The following CTNNA3 variants were observed in gnomAD, a reference collection of about 807,000 sequenced individuals.
The protein encoded by CTNNA3 is catenin alpha-3.
CTNNA3 carries 76 observed loss-of-function variants against 95.7 expected under a neutral mutation model. The observed-to-expected ratio is 0.79, with a 90% CI of 0.66 to 0.96. The LOEUF is 0.96. Among genes scored for constraint, CTNNA3 ranks in the 40% least tolerant of loss-of-function variants. The pLI is 0.00. For synonymous variants in CTNNA3, 431 were observed against 374.4 expected, an observed-to-expected ratio of 1.15 and a Z score of -1.74; for missense variants, 1,191 against 1,089.8, an observed-to-expected ratio of 1.09 and a Z score of -1.31.
At chr10:66,510,780 G>T (rs1164987114) in intron 11 of CTNNA3, among the ~76,000 whole-genome samples, 1 of 151,624 alleles carries the variant, frequency 6.6e-6, no homozygotes, top group Admixed American at 6.6e-5. Flanking sequence ...CGTGCTGTTG[G>T]GTTCTATTTT....
At chr10:67,289,280 A>G (rs1158785340) in intron 5 of CTNNA3, among the ~76,000 whole-genome samples, 1 of 152,164 alleles carries the variant, frequency 6.6e-6, no homozygotes, top group African/African-American at 2.4e-5. Context: ...GTAAAAAGAG[A>G]AGAGAGAGGA....
chr10:67,391,176 C>A (rs997610452), intron 5 of CTNNA3, among the ~76,000 whole-genome samples: 12 of 152,172 alleles, frequency 7.9e-5, no homozygotes, highest in African/African-American at 2.6e-4. Flanking sequence ...AGCCCAAAAT[C>A]TCCTTAAGCT....
intron 2 of CTNNA3, among the ~76,000 whole-genome samples, chr10:67,630,016 C>A (rs531747649): frequency 6.6e-5 from 10 of 152,114 alleles, no homozygotes; most frequent in Non-Finnish European, 1.0e-4. Flanking sequence ...ATAATCATCC[C>A]CCAGAGGCAG....
intron 5 of CTNNA3, among the ~76,000 whole-genome samples, chr10:67,399,484 G>T (rs1306544846): frequency 1.3e-5 from 2 of 152,064 alleles, no homozygotes; most frequent in African/African-American, 4.8e-5. Context: ...AACACTCCAT[G>T]CTCTGTCCCA....
chr10:66,488,908 C>CT (rs145838997), intron 11 of CTNNA3, among the ~76,000 whole-genome samples: 12,505 of 147,124 alleles, frequency 0.085, 1,213 homozygotes, highest in East Asian at 0.34. Context: ...TAAAAGTAGA[C>CT]TTTTTTTTTT....
intron 11 of CTNNA3, among the ~76,000 whole-genome samples, chr10:66,419,334 T>C (rs2093172478): frequency 6.6e-6 from 1 of 151,794 alleles, no homozygotes. Context: ...AATAAACCAA[T>C]GAGGTGAAAT....
At chr10:66,569,162 C>T (rs531450109) in intron 10 of CTNNA3, among the ~76,000 whole-genome samples, 1 of 152,168 alleles carries the variant, frequency 6.6e-6, no homozygotes, top group Non-Finnish European at 1.5e-5. Flanking sequence ...ACAAAGGAGG[C>T]TGCCCCATCG....
intron 5 of CTNNA3, among the ~76,000 whole-genome samples, chr10:67,286,313 T>C (rs1239829059): frequency 6.6e-6 from 1 of 152,190 alleles, no homozygotes; most frequent in Non-Finnish European, 1.5e-5. Context: ...TGACCATGTG[T>C]GGGAAGTAAA....
intron 11 of CTNNA3, among the ~76,000 whole-genome samples, chr10:66,400,044 C>A (rs1238024225): frequency 1.3e-5 from 2 of 151,956 alleles, no homozygotes; most frequent in Non-Finnish European, 2.9e-5. Context: ...CATATTCACA[C>A]AGACATATAT....
intron 13 of CTNNA3, among the ~76,000 whole-genome samples, chr10:66,165,121 T>C (rs1342412812): frequency 6.6e-6 from 1 of 152,132 alleles, no homozygotes; most frequent in East Asian, 1.9e-4. Flanking sequence ...TGCAGCAACA[T>C]GGATGCAACT....
In CTNNA3 at chr10:66,432,296, C is replaced by G. The variant is rs150786853; in HGVS notation, c.1532-52944G>C. Among the ~76,000 whole-genome samples the G allele has an allele frequency of 5.4e-3, 829 of 152,242 alleles. 9 individuals carry two copies. Among genetic ancestry groups the G allele is most frequent in the Non-Finnish European group, 8.7e-3 (593 of 68,016 alleles). On this transcript the variant is annotated intron_variant, in intron 11 of 17. Coordinates refer to ENST00000433211, the MANE Select transcript of CTNNA3 (RefSeq NM_013266.4). ...AATTAAATTGCAACATGAAACAATA[C>G]TTTTAGTATACAAATATTATGGCAC...
intron 11 of CTNNA3, among the ~76,000 whole-genome samples, chr10:66,466,339 TACAC>T (rs143601111): frequency 6.2e-4 from 88 of 141,840 alleles, no homozygotes; most frequent in East Asian, 2.0e-3. Flanking sequence ...CACCCACCTA[TACAC>T]ACACACACAC....
At chr10:67,743,095 C>A (rs1841352235) in intron 1 of CTNNA3, among the ~76,000 whole-genome samples, 2 of 151,006 alleles carry the variant, frequency 1.3e-5, no homozygotes, top group South Asian at 2.1e-4. Context: ...TGGTACCATT[C>A]CTTCTGAAAC....
chr10:66,928,158 C>T, intron 7 of CTNNA3: 4 of 1,614,118 alleles, frequency 2.5e-6, no homozygotes, highest in Non-Finnish European at 3.4e-6. Flanking sequence ...ACGCCGAGCA[C>T]ATCTCTTTCC....
chr10:67,100,159 T>A (rs1217567054), intron 7 of CTNNA3, among the ~76,000 whole-genome samples: 1 of 151,750 alleles, frequency 6.6e-6, no homozygotes, highest in Non-Finnish European at 1.5e-5. Context: ...CCAAGGAGTC[T>A]TACAAGTGTA....
chr10:66,232,827 T>C (rs1269070023), intron 13 of CTNNA3, among the ~76,000 whole-genome samples: 1 of 152,022 alleles, frequency 6.6e-6, no homozygotes, highest in African/African-American at 2.4e-5. Context: ...ATGGGGAAAA[T>C]TGTATCTTAA....
intron 15 of CTNNA3, among the ~76,000 whole-genome samples, chr10:66,023,185 A>G (rs1283100650): frequency 6.6e-6 from 1 of 152,192 alleles, no homozygotes; most frequent in Non-Finnish European, 1.5e-5. Context: ...CCTATTTTCC[A>G]TGTTTGCTTA....
At chr10:66,139,266 C>T (rs543176074) in intron 13 of CTNNA3, among the ~76,000 whole-genome samples, 1 of 152,258 alleles carries the variant, frequency 6.6e-6, no homozygotes, top group Admixed American at 6.5e-5. Flanking sequence ...CACTGTATTT[C>T]CTCACACAAT....
At position 65,919,223 on chromosome 10, in the gene CTNNA3, T is replaced by G. The variant is rs557662492; in HGVS notation, c.*1107A>C. 6.6e-6 allele frequency: 1 copy of G among 152,122 alleles called. No individual in the cohort carries two copies. Among genetic ancestry groups the G allele is most frequent in the African/African-American group, 2.4e-5 (1 of 41,498 alleles). 9.4% of individuals were successfully genotyped at this position (152,122 alleles called of 1,614,324 possible). A position where few individuals can be genotyped will look rare whatever the true frequency, so the allele number is the denominator to read the frequency against. ...GACTCTAAGACTATTATGAAGTCCA[T>G]TATGAACTCAACTAGGAATGAACAC... On this transcript the variant is annotated 3_prime_UTR_variant, in exon 18 of 18. Transcript: ENST00000433211.
Sources: allele counts gnomAD v4.1 joint callset (sites outside exome capture counted in the v4.1 genomes callset), GRCh38; gene constraint gnomAD v4.1.1; transcripts MANE v1.5; gene names NCBI Gene and HGNC (gene_info 2026-07-23, HGNC 2026-07-21).